The following KCNH8 variants were observed in gnomAD, a reference collection of about 807,000 sequenced individuals.
The protein encoded by KCNH8 is potassium voltage-gated channel subfamily H member 8.
Under a neutral mutation model 103.6 loss-of-function variants are expected in KCNH8, and 70 were observed. That is an observed-to-expected ratio of 0.68 (90% CI 0.56 to 0.82). The LOEUF (loss-of-function observed/expected upper bound fraction) is 0.82. KCNH8 is among the 40% of genes least tolerant of loss of function. The pLI is 0.00. For synonymous variants in KCNH8, 498 were observed against 489.4 expected (o/e 1.02, Z -0.23); for missense variants, 1,217 against 1,329.9 (o/e 0.92, Z 1.32).
intron 5 of KCNH8, among the ~76,000 whole-genome samples, chr3:19,352,148 A>G (rs1187109496): frequency 6.6e-6 from 1 of 152,204 alleles, no homozygotes; most frequent in Non-Finnish European, 1.5e-5. Flanking sequence ...GCCATTACAT[A>G]ATGGTAAAGG....
intron 3 of KCNH8, among the ~76,000 whole-genome samples, chr3:19,322,241 G>A (rs957524275): frequency 8.6e-5 from 13 of 152,032 alleles, no homozygotes; most frequent in African/African-American, 1.9e-4. Flanking sequence ...TATTTGTTAC[G>A]TGAATACCTT....
intron 3 of KCNH8, among the ~76,000 whole-genome samples, chr3:19,312,149 T>C (rs890141436): frequency 3.3e-5 from 5 of 151,964 alleles, no homozygotes; most frequent in Non-Finnish European, 7.4e-5. Context: ...ATACAGACTT[T>C]AGTTTAACTT....
intron 5 of KCNH8, among the ~76,000 whole-genome samples, chr3:19,376,911 A>G (rs1040078656): frequency 1.3e-5 from 2 of 152,220 alleles, no homozygotes; most frequent in South Asian, 4.1e-4. Context: ...AAAAAATATG[A>G]AGACATAAAA....
intron 11 of KCNH8, among the ~76,000 whole-genome samples, chr3:19,474,406 C>A (rs2125206570): frequency 6.6e-6 from 1 of 152,256 alleles, no homozygotes; most frequent in South Asian, 2.1e-4. Context: ...ACCATTTAAA[C>A]CCAGCATGCC....
intron 1 of KCNH8, among the ~76,000 whole-genome samples, chr3:19,167,624 C>T (rs192219017): frequency 1.2e-3 from 189 of 152,212 alleles, no homozygotes; most frequent in Non-Finnish European, 2.2e-3. Flanking sequence ...GCACGAGAAT[C>T]GTAAAAGTGA....
chr3:19,153,762 G>T (rs1423803255), intron 1 of KCNH8, among the ~76,000 whole-genome samples: 1 of 151,430 alleles, frequency 6.6e-6, no homozygotes, highest in Non-Finnish European at 1.5e-5. Flanking sequence ...CTCCCAAGTG[G>T]CTGGGATTAC....
At chr3:19,496,767 T>G (rs947000015) in intron 11 of KCNH8, among the ~76,000 whole-genome samples, 10 of 152,186 alleles carry the variant, frequency 6.6e-5, no homozygotes, top group African/African-American at 2.4e-4. Context: ...ATAGGAATGA[T>G]ATCAGCTTTT....
At chr3:19,491,934 C>CT (rs2068331549) in intron 11 of KCNH8, among the ~76,000 whole-genome samples, 1 of 152,076 alleles carries the variant, frequency 6.6e-6, no homozygotes. Context: ...GTGATGATAG[C>CT]TTTTTTTCAT....
chr3:19,176,589 T>C (rs2063401663), intron 1 of KCNH8, among the ~76,000 whole-genome samples: 1 of 152,206 alleles, frequency 6.6e-6, no homozygotes, highest in Non-Finnish European at 1.5e-5. Context: ...TTTCTTCCTT[T>C]AACTGAGAAT....
intron 8 of KCNH8, among the ~76,000 whole-genome samples, chr3:19,445,591 A>G (rs1024402493): frequency 6.6e-6 from 1 of 151,970 alleles, no homozygotes; most frequent in African/African-American, 2.4e-5. Context: ...CTTGCCTTTC[A>G]TATCAGATTG....
intron 11 of KCNH8, among the ~76,000 whole-genome samples, chr3:19,477,410 A>G (rs1247528581): frequency 6.7e-6 from 1 of 149,804 alleles, no homozygotes; most frequent in Non-Finnish European, 1.5e-5. Context: ...GAATGTGAGG[A>G]TTTTTTTGGT....
intron 14 of KCNH8, among the ~76,000 whole-genome samples, 156 bp downstream of exon 14, chr3:19,515,584 T>G (rs994069836): frequency 2.6e-5 from 4 of 151,960 alleles, no homozygotes; most frequent in African/African-American, 9.7e-5. Flanking sequence ...GACATGAGTT[T>G]ATGCCATTTC....
At chr3:19,394,755 G>C (rs2066489465) in intron 6 of KCNH8, among the ~76,000 whole-genome samples, 1 of 152,014 alleles carries the variant, frequency 6.6e-6, no homozygotes, top group Admixed American at 6.6e-5. Context: ...GAAAATATGT[G>C]TAGGGGATTT....
chr3:19,391,544 A>G (rs556024080), intron 6 of KCNH8: 1 of 152,232 alleles, frequency 6.6e-6, no homozygotes, highest in Admixed American at 6.5e-5. Context: ...ATAGTTTTAA[A>G]TATTAAACAC....
intron 3 of KCNH8, among the ~76,000 whole-genome samples, chr3:19,340,450 C>T (rs886120489): frequency 6.6e-5 from 10 of 150,806 alleles, no homozygotes; most frequent in Non-Finnish European, 1.3e-4. Flanking sequence ...TGCTGGTGCG[C>T]TGCACCCACT....
chr3:19,235,767 T>A (rs1345975856), intron 1 of KCNH8, among the ~76,000 whole-genome samples: 4 of 152,148 alleles, frequency 2.6e-5, no homozygotes, highest in African/African-American at 4.8e-5. Context: ...ATTCACAGAG[T>A]TACAGCGATC....
intron 2 of KCNH8, among the ~76,000 whole-genome samples, chr3:19,274,573 A>G (rs542147061): frequency 2.6e-5 from 4 of 152,022 alleles, no homozygotes; most frequent in Admixed American, 2.0e-4. Context: ...CTGGTCAATA[A>G]CCCCAGTTAA....
chr3:19,507,981 T>C (rs891075241), intron 11 of KCNH8, among the ~76,000 whole-genome samples: 6 of 152,206 alleles, frequency 3.9e-5, no homozygotes, highest in African/African-American at 1.4e-4. Context: ...GTTGATTTTA[T>C]TTGCATCTAT....
rs191907646 is a variant in KCNH8, at chr3:19,354,213, G to T, written c.811+6248G>T. Among the ~76,000 whole-genome samples, 447 of 152,264 alleles carry T rather than the reference G, an allele frequency of 2.9e-3. 1 individual carries two copies. Among genetic ancestry groups the T allele is most frequent in the Middle Eastern group, 6.8e-3 (2 of 294 alleles). ...TCTTCAAGGAGAACTACAAACCACT[G>T]CTCATCGAAGTAAAAGAGGACACAA... On this transcript the variant is annotated intron_variant, in intron 5 of 15. Transcript: ENST00000328405.
Sources: gnomAD v4.1 joint callset for allele counts (sites outside exome capture counted in the v4.1 genomes callset) on GRCh38, gnomAD v4.1.1 for gene constraint, MANE v1.5 for transcripts, NCBI Gene and HGNC (gene_info 2026-07-23, HGNC 2026-07-21) for gene names.